DGKI: variants seen among roughly 807,000 people sequenced by gnomAD.
DGKI encodes the protein diacylglycerol kinase iota.
A neutral mutation model predicts 147.5 loss-of-function variants in DGKI; 55 were observed. The ratio of observed to expected loss-of-function variants is 0.37; its 90% confidence interval spans 0.30 to 0.47. DGKI has a LOEUF of 0.47. DGKI is among the 20% of genes least tolerant of loss of function. The pLI is 1.00. For missense variants in DGKI, 1,007 were observed against 1,323.8 expected, an observed-to-expected ratio of 0.76 and a Z score of 3.71; for synonymous variants, 469 against 477.1, an observed-to-expected ratio of 0.98 and a Z score of 0.22.
At chr7:137,438,855 C>T (rs1300143190) in intron 28 of DGKI, among the ~76,000 whole-genome samples, 1 of 152,036 alleles carries the variant, frequency 6.6e-6, no homozygotes, top group Non-Finnish European at 1.5e-5. Flanking sequence ...TCAATTTGTA[C>T]AAATTCAAAA....
Position 137,814,775 on chromosome 7 carries a change from A to G in DGKI, c.401+31687T>C, listed in dbSNP as rs189970786. On this transcript the variant is annotated intron_variant, in intron 1 of 32. Transcript: ENST00000614521. ...CACCCCCGCTAGAGAACAAGTATAGAAAGGAATATGAGCCTATAAATATTC... is the reference window on the plus strand; with the variant it reads ...CACCCCCGCTAGAGAACAAGTATAGGAAGGAATATGAGCCTATAAATATTC... Among the ~76,000 whole-genome samples, 3 of 152,334 alleles carry G rather than the reference A, an allele frequency of 2.0e-5. No individual in the cohort carries two copies. The East Asian group carries it at 5.8e-4, about 29-fold the overall frequency.
intron 20 of DGKI, among the ~76,000 whole-genome samples, chr7:137,547,195 T>C (rs186461051): frequency 1.5e-3 from 224 of 152,350 alleles, no homozygotes; most frequent in Non-Finnish European, 2.6e-3. Flanking sequence ...TTATTACTTT[T>C]TGTGGGGAAG....
At chr7:137,839,462 A>G (rs999383950) in intron 1 of DGKI, among the ~76,000 whole-genome samples, 1 of 152,234 alleles carries the variant, frequency 6.6e-6, no homozygotes, top group Non-Finnish European at 1.5e-5. Flanking sequence ...TATAGATAAT[A>G]CCACTTTAAC....
chr7:137,423,320 G>A (rs1043432935), intron 28 of DGKI, among the ~76,000 whole-genome samples: 1 of 152,182 alleles, frequency 6.6e-6, no homozygotes, highest in African/African-American at 2.4e-5. Flanking sequence ...CCAACATCAG[G>A]CAGGCATTCT....
At chr7:137,410,166 G>A (rs2128900195) in intron 29 of DGKI, among the ~76,000 whole-genome samples, 1 of 152,188 alleles carries the variant, frequency 6.6e-6, no homozygotes, top group East Asian at 1.9e-4. Flanking sequence ...AGTACTTCAG[G>A]AGGCCAAGGC....
intron 5 of DGKI, among the ~76,000 whole-genome samples, chr7:137,651,982 T>A (rs1822043499): frequency 6.6e-6 from 1 of 152,098 alleles, no homozygotes; most frequent in African/African-American, 2.4e-5. Context: ...AGATATCAGA[T>A]CAGAACAGGT....
intron 1 of DGKI, among the ~76,000 whole-genome samples, chr7:137,709,280 G>A (rs1203786505): frequency 6.6e-6 from 1 of 152,104 alleles, no homozygotes; most frequent in Non-Finnish European, 1.5e-5. Context: ...TGGGCCACTG[G>A]GTACTGGGAG....
chr7:137,606,466 A>T (rs1180675539), intron 10 of DGKI, among the ~76,000 whole-genome samples: 1 of 152,226 alleles, frequency 6.6e-6, no homozygotes, highest in South Asian at 2.1e-4. Context: ...TATTTATCAC[A>T]GTAAGCCCCT....
chr7:137,775,385 C>T (rs1796335027), intron 1 of DGKI, among the ~76,000 whole-genome samples: 1 of 152,208 alleles, frequency 6.6e-6, no homozygotes, highest in Non-Finnish European at 1.5e-5. Flanking sequence ...TCTTCTTCTC[C>T]TTCACTTTCT....
chr7:137,728,946 C>T (rs1356648767), intron 1 of DGKI, among the ~76,000 whole-genome samples: 1 of 152,090 alleles, frequency 6.6e-6, no homozygotes, highest in African/African-American at 2.4e-5. Flanking sequence ...TTTTGGAGTT[C>T]TTGGGTGATA....
intron 21 of DGKI, among the ~76,000 whole-genome samples, chr7:137,494,849 A>G (rs982667324): frequency 2.6e-5 from 4 of 152,186 alleles, no homozygotes; most frequent in Non-Finnish European, 5.9e-5. Flanking sequence ...AAATGTGTTA[A>G]ATGCCCCATT....
chr7:137,540,977 T>G (rs1450880853), intron 20 of DGKI, among the ~76,000 whole-genome samples: 1 of 152,078 alleles, frequency 6.6e-6, no homozygotes, highest in African/African-American at 2.4e-5. Context: ...ATCTATAGAC[T>G]CAATATAATT....
intron 28 of DGKI, among the ~76,000 whole-genome samples, chr7:137,435,278 A>C (rs1813237515): frequency 6.6e-6 from 1 of 152,220 alleles, no homozygotes; most frequent in Non-Finnish European, 1.5e-5. Context: ...AACACACTCA[A>C]AAAAACAAAA....
chr7:137,704,391 C>G (rs1345347032), intron 1 of DGKI, among the ~76,000 whole-genome samples: 1 of 151,956 alleles, frequency 6.6e-6, no homozygotes, highest in Non-Finnish European at 1.5e-5. Context: ...ACTACAGGTG[C>G]TGGACAGCAG....
At chr7:137,591,240 G>A (rs1157371573) in intron 12 of DGKI, among the ~76,000 whole-genome samples, 1 of 152,106 alleles carries the variant, frequency 6.6e-6, no homozygotes, top group Non-Finnish European at 1.5e-5. Context: ...TTATGAACCG[G>A]ATAAATAGAT....
chr7:137,392,312 C>G (rs992830046), intron 32 of DGKI, among the ~76,000 whole-genome samples: 2 of 151,984 alleles, frequency 1.3e-5, no homozygotes, highest in Non-Finnish European at 2.9e-5. Flanking sequence ...AGTGTCCATT[C>G]TTTTGAATGC....
intron 1 of DGKI, among the ~76,000 whole-genome samples, chr7:137,711,665 C>T (rs1240838813): frequency 1.4e-5 from 2 of 147,612 alleles, no homozygotes; most frequent in African/African-American, 5.0e-5. Context: ...TTTCCTCATC[C>T]GTAAAATGGG....
At chr7:137,409,183 T>C (rs1267387456) in intron 29 of DGKI, among the ~76,000 whole-genome samples, 2 of 152,222 alleles carry the variant, frequency 1.3e-5, no homozygotes, top group Admixed American at 6.5e-5. Flanking sequence ...GATCACTGTA[T>C]ACGTATCAAA....
At chr7:137,523,559 G>GT (rs1817039572) in intron 20 of DGKI, among the ~76,000 whole-genome samples, 1 of 151,978 alleles carries the variant, frequency 6.6e-6, no homozygotes, top group Non-Finnish European at 1.5e-5. Flanking sequence ...AATGTCTGAG[G>GT]TTCACTGGCT....
Sources: allele counts gnomAD v4.1 joint callset (sites outside exome capture counted in the v4.1 genomes callset), GRCh38; gene constraint gnomAD v4.1.1; transcripts MANE v1.5; gene names NCBI Gene and HGNC (gene_info 2026-07-23, HGNC 2026-07-21).